SEC22A: variants seen among roughly 807,000 people sequenced by gnomAD.
SEC22A encodes SEC22 homolog A, vesicle trafficking protein, also known as vesicle-trafficking protein SEC22a.
Under a neutral mutation model 35.3 loss-of-function variants are expected in SEC22A, and 22 were observed. The ratio of observed to expected loss-of-function variants is 0.62; its 90% CI spans 0.45 to 0.89. The LOEUF (loss-of-function observed/expected upper bound fraction) is 0.89, where lower values mean the gene tolerates loss of function less well. SEC22A is among the 40% of genes least tolerant of loss of function. The pLI is 0.00. For synonymous variants in SEC22A, 119 were observed against 129.5 expected (o/e 0.92, Z 0.55); for missense variants, 354 against 362.5 (o/e 0.98, Z 0.19).
chr3:123,211,005 A>G (rs992211700), intron 2 of SEC22A, among the ~76,000 whole-genome samples: 9 of 152,118 alleles, frequency 5.9e-5, no homozygotes, highest in African/African-American at 2.2e-4. Context: ...CAGATCCTGG[A>G]TCGCCCTGAA....
chr3:123,245,120 C>T (rs534851212), intron 4 of SEC22A, among the ~76,000 whole-genome samples: 1 of 152,226 alleles, frequency 6.6e-6, no homozygotes, highest in South Asian at 2.1e-4. Flanking sequence ...TATGAGCTTT[C>T]ACATGTATCC....
Position 123,209,515 on chromosome 3 carries a change from A to C in SEC22A, c.182+116A>C, listed in dbSNP as rs111342175. The C allele has an allele frequency of 4.8e-4, 381 of 786,668 alleles. 1 individual carries two copies. In the African/African-American group the frequency reaches 6.1e-3, roughly 13 times the overall value. The allele number at this position is 786,668 out of a possible 1,614,324, so 48.7% of individuals were successfully genotyped here. ...GGAAAACCTGTTCAAGTCGAGCATC[A>C]TATTGTTCTGAACTTATACTAAATA... On this transcript the variant is annotated intron_variant, in intron 2 of 6. Coordinates refer to ENST00000492595, the MANE Select transcript of SEC22A (RefSeq NM_012430.5).
chr3:123,257,995 G>GAAAAAAAAAAAAAAAAAA (rs61068587), intron 5 of SEC22A, among the ~76,000 whole-genome samples: 32 of 111,444 alleles, frequency 2.9e-4, no homozygotes, highest in Non-Finnish European at 3.8e-4. Context: ...CCATCTCATT[G>GAAAAAAAAAAAAAAAAAA]AAAAAAAAAA....
intron 4 of SEC22A, among the ~76,000 whole-genome samples, chr3:123,228,771 A>G (rs995763879): frequency 1.3e-5 from 2 of 152,116 alleles, no homozygotes; most frequent in African/African-American, 4.8e-5. Context: ...AGGGGGAGGT[A>G]TGATAATGTT....
At chr3:123,205,049 TA>T (rs57525190) in intron 1 of SEC22A, among the ~76,000 whole-genome samples, 71 of 151,234 alleles carry the variant, frequency 4.7e-4, no homozygotes, top group Non-Finnish European at 7.8e-4. Flanking sequence ...AAGATTAGTT[TA>T]AAAAAAAACA....
At chr3:123,209,798 A>T (rs1936909060) in intron 2 of SEC22A, among the ~76,000 whole-genome samples, 1 of 152,202 alleles carries the variant, frequency 6.6e-6, no homozygotes, top group South Asian at 2.1e-4. Flanking sequence ...CATACAAATC[A>T]AGTAAAACTG....
intron 6 of SEC22A, among the ~76,000 whole-genome samples, chr3:123,269,177 A>ATGTGTGTG (rs1223821694): frequency 0.01 from 1,123 of 112,034 alleles, 13 homozygotes; most frequent in African/African-American, 0.037. Flanking sequence ...TGAATTAAAT[A>ATGTGTGTG]TATGTGTGTG....
At chr3:123,259,115 T>TA (rs2108097016) in intron 5 of SEC22A, among the ~76,000 whole-genome samples, 1 of 152,356 alleles carries the variant, frequency 6.6e-6, no homozygotes, top group East Asian at 1.9e-4. Context: ...GTGATATACT[T>TA]ACTAGCAGTA....
intron 6 of SEC22A, among the ~76,000 whole-genome samples, chr3:123,264,009 A>T (rs1301397232): frequency 6.6e-6 from 1 of 151,796 alleles, no homozygotes; most frequent in Non-Finnish European, 1.5e-5. Flanking sequence ...GCAGCTTTGA[A>T]CTGGGCTCAA....
intron 1 of SEC22A, among the ~76,000 whole-genome samples, chr3:123,203,815 C>T (rs9846935): frequency 0.2 from 29,858 of 152,006 alleles, 3,042 homozygotes; most frequent in Middle Eastern, 0.28. Context: ...CCTACCCAAC[C>T]GTGAACTATG....
At chr3:123,208,384 A>G (rs1444212845) in intron 1 of SEC22A, 1 of 152,236 alleles carries the variant, frequency 6.6e-6, no homozygotes, top group Non-Finnish European at 1.5e-5. Context: ...ATATATTTAA[A>G]TTTATTGAGG....
chr3:123,239,442 C>T (rs974310091), intron 4 of SEC22A, among the ~76,000 whole-genome samples: 19 of 152,094 alleles, frequency 1.2e-4, no homozygotes, highest in Non-Finnish European at 7.4e-5. Flanking sequence ...GCTATCCCTC[C>T]CCCCTCCACC....
At chr3:123,260,665 T>C (rs2108099975) in intron 6 of SEC22A, among the ~76,000 whole-genome samples, 1 of 152,330 alleles carries the variant, frequency 6.6e-6, no homozygotes, top group Non-Finnish European at 1.5e-5. Context: ...CACATTTTTC[T>C]AGCTTGAATT....
In SEC22A at chr3:123,223,170, A is replaced by G. The variant is rs552978046; in HGVS notation, c.183-389A>G. Among the ~76,000 whole-genome samples the G allele has an allele frequency of 2.0e-5, 3 of 152,310 alleles. No individual in the cohort carries two copies. In the East Asian group the frequency reaches 5.8e-4, roughly 29 times the overall value. ...TGTGTTCTGGCATCTTTCTAGGGAG[A>G]GTGTTCCTGTCATCAGAATCTTGAA... On this transcript the variant is annotated intron_variant, in intron 2 of 6. Transcript: ENST00000492595.
intron 5 of SEC22A, among the ~76,000 whole-genome samples, chr3:123,251,100 T>C (rs928826734): frequency 6.6e-6 from 1 of 152,294 alleles, no homozygotes; most frequent in Admixed American, 6.5e-5. Context: ...AAGGTAAATA[T>C]TTTTGTCGGG....
At chr3:123,221,023 A>C (rs1366198933) in intron 2 of SEC22A, among the ~76,000 whole-genome samples, 1 of 151,720 alleles carries the variant, frequency 6.6e-6, no homozygotes, top group African/African-American at 2.4e-5. Flanking sequence ...GAGTGATAAG[A>C]CACTTTAAGT....
intron 4 of SEC22A, among the ~76,000 whole-genome samples, chr3:123,237,379 A>G (rs1937442474): frequency 6.6e-6 from 1 of 152,214 alleles, no homozygotes; most frequent in Admixed American, 6.5e-5. Context: ...CCATAAGAAG[A>G]CTGCATTTGA....
At chr3:123,226,075 A>C (rs1937214036) in intron 4 of SEC22A, among the ~76,000 whole-genome samples, 1 of 152,294 alleles carries the variant, frequency 6.6e-6, no homozygotes, top group Admixed American at 6.5e-5. Context: ...TATGTGTGCC[A>C]CATTTTGTTA....
intron 5 of SEC22A, among the ~76,000 whole-genome samples, chr3:123,250,556 A>C (rs957909496): frequency 6.6e-6 from 1 of 152,248 alleles, no homozygotes; most frequent in Non-Finnish European, 1.5e-5. Context: ...CTTAGGAAGC[A>C]GTGGATTGGG....
Sources: gnomAD v4.1 joint callset for allele counts (sites outside exome capture counted in the v4.1 genomes callset) on GRCh38, gnomAD v4.1.1 for gene constraint, MANE v1.5 for transcripts, NCBI Gene and HGNC (gene_info 2026-07-23, HGNC 2026-07-21) for gene names.